The following BFAR variants were observed in gnomAD, a reference collection of about 807,000 sequenced individuals.
The protein encoded by BFAR is RING finger protein 47.
In BFAR, 52 loss-of-function variants were observed where a neutral mutation model predicts 54.4. The ratio of observed to expected loss-of-function variants is 0.96; its 90% CI spans 0.77 to 1.21. The LOEUF (loss-of-function observed/expected upper bound fraction) is 1.21, where lower values mean the gene tolerates loss of function less well. Among genes scored for constraint, BFAR ranks in the 50% most tolerant of loss-of-function variants. The pLI is 0.00. For synonymous variants in BFAR, 215 were observed against 204.3 expected (o/e 1.05, Z -0.45); for missense variants, 571 against 534.0 (o/e 1.07, Z -0.68).
rs1959920189 is a variant in BFAR at position 14,649,941 on chromosome 16, G to C, written c.606G>C (p.Arg202Ser). ...TGGGCCCTTGGGCATCTCTTTACAG[G>C]GAAAGGTTTTTATCTGAACGAGTAA... The part of the protein sequence containing the change: ...EQLGPWASLY[R>S]ERFLSERVNG... Residue 202 changes from arginine to serine, a missense_variant, in exon 4 of 8, where the codon AGG becomes AGC. By Grantham distance (110) the Arg-to-Ser change is moderately radical. Transcript: ENST00000261658. 1 of 1,612,542 alleles carries C rather than the reference G, an allele frequency of 6.2e-7. No individual in the cohort carries two copies. The highest frequency in any genetic ancestry group is 1.1e-5 in the South Asian group (1 of 90,716).
chr16:14,667,805 G>A lies in BFAR; in HGVS notation c.1331G>A (p.Arg444Gln), dbSNP rs770388546. 7 of 1,614,136 alleles carry A rather than the reference G, an allele frequency of 4.3e-6. No individual in the cohort carries two copies. In the Admixed American group the frequency reaches 5.0e-5, roughly 12 times the overall value. The change falls in exon 8 of 8, where the codon CGG (arginine) becomes CAG (glutamine). Residue 444 changes from arginine to glutamine, a missense_variant. Coordinates refer to ENST00000261658, the MANE Select transcript of BFAR (RefSeq NM_016561.3). ...GATCTTGTGGTCAAGGAACTCCGGC[G>A]GCTGGAAACCCAGGTGTTGTGACTG... is the stretch of plus-strand genomic sequence containing the variant. ...NIDLVVKELR[R>Q]LETQVL
chr16:14,642,591 G>A (rs1367918490), intron 1 of BFAR, among the ~76,000 whole-genome samples: 1 of 152,136 alleles, frequency 6.6e-6, no homozygotes, highest in Non-Finnish European at 1.5e-5. Flanking sequence ...TGGATCCAGA[G>A]GGCATGAGAT....
At chr16:14,655,383 G>T (rs369066947) in intron 5 of BFAR, among the ~76,000 whole-genome samples, 173 bp downstream of exon 5, 48 of 151,112 alleles carry the variant, frequency 3.2e-4, no homozygotes, top group Admixed American at 2.6e-4. Flanking sequence ...GTGCAATGGC[G>T]CAATCTCAGC....
intron 6 of BFAR, among the ~76,000 whole-genome samples, chr16:14,663,122 G>A (rs1478917019): frequency 6.6e-6 from 1 of 152,210 alleles, no homozygotes; most frequent in Admixed American, 6.5e-5. Context: ...GCAGCGCCGG[G>A]CTGTCTGCCT....
At chr16:14,634,000 A>G (rs1300801439) in intron 1 of BFAR, among the ~76,000 whole-genome samples, 2 of 152,118 alleles carry the variant, frequency 1.3e-5, no homozygotes, top group Non-Finnish European at 2.9e-5. Flanking sequence ...GCGACAGATG[A>G]GAGTCAGGTT....
At chr16:14,665,516 C>A (rs1278616038) in intron 7 of BFAR, among the ~76,000 whole-genome samples, 2 of 152,028 alleles carry the variant, frequency 1.3e-5, no homozygotes, top group African/African-American at 4.8e-5. Context: ...CAACAGAAGC[C>A]CTGTCTGTGT....
chr16:14,648,668 C>A, intron 3 of BFAR, 76 bp downstream of exon 3: 1 of 1,026,902 alleles, frequency 9.7e-7, no homozygotes, highest in Non-Finnish European at 1.4e-6. Context: ...GAAGTCAGTT[C>A]TGTTGAAATC....
chr16:14,653,007 C>T (rs954822736), intron 4 of BFAR, among the ~76,000 whole-genome samples: 2 of 152,160 alleles, frequency 1.3e-5, no homozygotes, highest in African/African-American at 4.8e-5. Flanking sequence ...TGGCATGCTC[C>T]TACTTTAATT....
chr16:14,648,362 TA>T (rs771474979), intron 2 of BFAR, 25 bp from the exon 3 acceptor site: 4 of 1,569,072 alleles, frequency 2.5e-6, no homozygotes, highest in Non-Finnish European at 3.5e-6. Context: ...ACAACTGTCT[TA>T]ATTTTTTTTT....
chr16:14,650,026 T>C (rs1959923866), intron 4 of BFAR, 53 bp downstream of exon 4: 3 of 1,541,048 alleles, frequency 1.9e-6, no homozygotes, highest in African/African-American at 1.4e-5. Flanking sequence ...AACAGCTTTC[T>C]TGAGATATAA....
At chr16:14,641,393 G>A (rs1252301552) in intron 1 of BFAR, among the ~76,000 whole-genome samples, 1 of 152,226 alleles carries the variant, frequency 6.6e-6, no homozygotes, top group East Asian at 1.9e-4. Flanking sequence ...AGGAGGTGGA[G>A]GCCTTCTCAA....
In BFAR at chr16:14,658,978, G is replaced by A. The variant is rs374609807; in HGVS notation, c.784-2914G>A. Among the ~76,000 whole-genome samples, 11 of 151,382 alleles carry A rather than the reference G, an allele frequency of 7.3e-5. No individual in the cohort carries two copies. The East Asian group carries it at 1.8e-3, about 24-fold the overall frequency. The stretch of plus-strand genomic sequence containing the variant: ...GCTGGAGTGCAATGGCGCGATCTCA[G>A]CTCACTGCAAACTCCACCTCCCAGG... On this transcript the variant is annotated intron_variant, in intron 5 of 7. Transcript: ENST00000261658.
chr16:14,633,095 C>G (rs918342349), intron 1 of BFAR, 77 bp downstream of exon 1: 2 of 152,296 alleles, frequency 1.3e-5, no homozygotes, highest in African/African-American at 4.8e-5. Context: ...GAAGACGGAG[C>G]GGGAATCCCT....
chr16:14,637,385 C>T (rs1198804522), intron 1 of BFAR, among the ~76,000 whole-genome samples: 10 of 151,178 alleles, frequency 6.6e-5, no homozygotes, highest in African/African-American at 2.2e-4. Flanking sequence ...TTTGGTGTTT[C>T]CGCCTGGTTT....
Position 14,649,792 on chromosome 16 carries a change from A to G in BFAR, c.469-12A>G. The G allele has an allele frequency of 6.3e-7, 1 of 1,582,922 alleles. No individual in the cohort carries two copies. ...CTCTCCATGGTTTAAAGTCCCTGTC[A>G]CTTTTCCCCAGGTGGTCCTGCTCGT... On this transcript the variant is annotated splice_polypyrimidine_tract_variant and intron_variant, in intron 3 of 7. Transcript: ENST00000261658.
chr16:14,646,301 C>T (rs1193817239), intron 2 of BFAR, among the ~76,000 whole-genome samples: 1 of 152,070 alleles, frequency 6.6e-6, no homozygotes, highest in Non-Finnish European at 1.5e-5. Context: ...GATCCGCCCA[C>T]CTTGGCCTCC....
intron 4 of BFAR, among the ~76,000 whole-genome samples, chr16:14,651,026 A>ATT: frequency 6.6e-6 from 1 of 152,328 alleles, no homozygotes; most frequent in East Asian, 1.9e-4. Flanking sequence ...AACACAGAAG[A>ATT]CTTTTGTGAC....
Position 14,655,349 on chromosome 16 carries a change from TC to T in BFAR, c.783+141del, listed in dbSNP as rs1348875724. ...TTATTTATTTTATTTTGAGACAGAGTCCTTCTCTGTCGCCCAGGCTGGAGTG... is the reference window on the plus strand; with the variant it reads ...TTATTTATTTTATTTTGAGACAGAGTCTTCTCTGTCGCCCAGGCTGGAGTG... On this transcript the variant is annotated intron_variant, in intron 5 of 7. Transcript: ENST00000261658. 3.4e-5 allele frequency: 27 copies of T among 785,610 alleles called. 1 individual carries two copies. The East Asian group carries it at 9.6e-4, about 28-fold the overall frequency. The allele number at this position is 785,610 out of a possible 1,614,324, so 48.7% of individuals were successfully genotyped here. A position where few individuals can be genotyped will look rare whatever the true frequency, so the allele number is the denominator to read the frequency against.
intron 1 of BFAR, among the ~76,000 whole-genome samples, chr16:14,641,443 A>G (rs1393554050): frequency 6.6e-6 from 1 of 152,078 alleles, no homozygotes; most frequent in Non-Finnish European, 1.5e-5. Flanking sequence ...ATTAATAACC[A>G]GCATTATTGC....
Sources: gnomAD v4.1 joint callset for allele counts (sites outside exome capture counted in the v4.1 genomes callset) on GRCh38, gnomAD v4.1.1 for gene constraint, MANE v1.5 for transcripts, NCBI Gene and HGNC (gene_info 2026-07-23, HGNC 2026-07-21) for gene names.